Variants in AKTIP observed in about 807,000 individuals in gnomAD.
The protein encoded by AKTIP is AKT interacting protein.
AKTIP carries 16 observed loss-of-function variants against 39.1 expected under a neutral mutation model. That is an observed-to-expected ratio of 0.41 (90% CI 0.28 to 0.62). The LOEUF (loss-of-function observed/expected upper bound fraction) is 0.62, where lower values mean the gene tolerates loss of function less well. AKTIP is among the 20% of genes least tolerant of loss of function. AKTIP has a pLI of 0.32. For synonymous variants in AKTIP, 93 were observed against 124.3 expected (o/e 0.75, Z 1.67); for missense variants, 262 against 356.6 (o/e 0.73, Z 2.14).
chr16:53,504,399 T>C (rs1314306145), upstream of AKTIP: 2 of 152,232 alleles, frequency 1.3e-5, no homozygotes, highest in Non-Finnish European at 2.9e-5. Flanking sequence ...TTGGTCCATT[T>C]TTGGTTGCCT....
At chr16:53,494,957 T>G in intron 5 of AKTIP, 116 bp downstream of exon 5, 2 of 960,568 alleles carry the variant, frequency 2.1e-6, no homozygotes, top group Non-Finnish European at 3.3e-6. Context: ...CCTGGACAAC[T>G]ACTGGGTAGA....
intron 3 of AKTIP, 81 bp from the exon 4 acceptor site, chr16:53,495,407 CAATG>C: frequency 1.5e-6 from 2 of 1,351,632 alleles, no homozygotes; most frequent in Admixed American, 3.6e-5. Context: ...CACTTTGAGA[CAATG>C]AACGGCCCCT....
chr16:53,504,105 T>TTTTTTA (rs1962338044), upstream of AKTIP, among the ~76,000 whole-genome samples: 1 of 149,418 alleles, frequency 6.7e-6, no homozygotes, highest in Non-Finnish European at 1.5e-5. Context: ...TTTTTTTTTT[T>TTTTTTA]TTTTAATTCA....
At chr16:53,494,742 AC>A in intron 5 of AKTIP, 137 bp from the exon 6 acceptor site, 1 of 850,732 alleles carries the variant, frequency 1.2e-6, no homozygotes, top group Non-Finnish European at 1.9e-6. Context: ...CAAGAGGGCT[AC>A]TTAACTACTT....
chr16:53,503,979 G>C (rs958510091), upstream of AKTIP, among the ~76,000 whole-genome samples: 1 of 152,166 alleles, frequency 6.6e-6, no homozygotes, highest in Non-Finnish European at 1.5e-5. Flanking sequence ...CGGGGGCTGG[G>C]GGGAGGGGGG....
chr16:53,504,086 GTCTT>G (rs1962337124), upstream of AKTIP, among the ~76,000 whole-genome samples: 2 of 149,302 alleles, frequency 1.3e-5, no homozygotes, highest in Admixed American at 6.6e-5. Context: ...ATAGTTCCTG[GTCTT>G]TTTTTTTTTT....
At chr16:53,494,048 T>C in intron 8 of AKTIP, 90 bp downstream of exon 8, 1 of 1,022,362 alleles carries the variant, frequency 9.8e-7, no homozygotes, top group East Asian at 2.4e-5. Context: ...CATGTGCCTT[T>C]TTATATCCCT....
At chr16:53,503,656 C>T (rs1055781845), upstream of AKTIP, among the ~76,000 whole-genome samples, 18 of 152,168 alleles carry the variant, frequency 1.2e-4, no homozygotes, top group Admixed American at 6.5e-5. Context: ...CTGGGGCATA[C>T]GCTAACGTCT....
intron 2 of AKTIP, 75 bp from the exon 3 acceptor site, chr16:53,498,671 G>T: frequency 1.4e-6 from 2 of 1,425,380 alleles, no homozygotes; most frequent in Non-Finnish European, 2.0e-6. Flanking sequence ...TAGCTCCATG[G>T]CCTAAATGCT....
Position 53,491,843 on chromosome 16 carries a change from A to C in AKTIP, c.*569T>G, listed in dbSNP as rs1228671808. 1 of 152,650 alleles carries C rather than the reference A, an allele frequency of 6.6e-6. No homozygotes were observed. The highest frequency in any genetic ancestry group is 1.5e-5 in the Non-Finnish European group (1 of 68,044). 9.5% of individuals were successfully genotyped at this position (152,650 alleles called of 1,614,324 possible). On this transcript the variant is annotated 3_prime_UTR_variant, in exon 10 of 10. Transcript: ENST00000394657. Reference sequence around the variant, plus strand: ...ACAGTAAGTAATTTGCTTAAAAAAAACAACACAACACTAGGAACAAGTGTT... The same window carrying C: ...ACAGTAAGTAATTTGCTTAAAAAAACCAACACAACACTAGGAACAAGTGTT...
chr16:53,499,558 G>A (rs911034297), intron 2 of AKTIP, among the ~76,000 whole-genome samples: 14 of 150,474 alleles, frequency 9.3e-5, no homozygotes, highest in African/African-American at 3.4e-4. Flanking sequence ...CTCCTGGGTT[G>A]ACGCCATTCT....
At position 53,491,851 on chromosome 16, in the gene AKTIP, A is replaced by ACACTAGGAACAAGTGTT. The variant is rs1961494268; in HGVS notation, c.*544_*560dup. The ACACTAGGAACAAGTGTT allele has an allele frequency of 6.6e-6, 1 of 152,618 alleles. No homozygotes were observed. Among genetic ancestry groups the ACACTAGGAACAAGTGTT allele is most frequent in the Non-Finnish European group, 1.5e-5 (1 of 68,050 alleles). 9.5% of individuals were successfully genotyped at this position (152,618 alleles called of 1,614,324 possible). A position where few individuals can be genotyped will look rare whatever the true frequency, so the allele number is the denominator to read the frequency against. ...TAATTTGCTTAAAAAAAACAACACA[A>ACACTAGGAACAAGTGTT]CACTAGGAACAAGTGTTCTGGTTTC... On this transcript the variant is annotated 3_prime_UTR_variant, in exon 10 of 10. Coordinates refer to ENST00000394657, the MANE Select transcript of AKTIP (RefSeq NM_022476.4).
At chr16:53,494,827 G>A in intron 5 of AKTIP, 1 of 710,306 alleles carries the variant, frequency 1.4e-6, no homozygotes, top group Non-Finnish European at 2.5e-6. Context: ...GAGCCTGAGG[G>A]CCACCATTCA....
chr16:53,496,411 G>A (rs750040298), intron 3 of AKTIP, among the ~76,000 whole-genome samples: 3 of 149,684 alleles, frequency 2.0e-5, no homozygotes, highest in East Asian at 4.0e-4. Flanking sequence ...ATCATACCCA[G>A]CCTTTGTATA....
intron 1 of AKTIP, chr16:53,501,636 C>T (rs557249244): frequency 7.2e-4 from 110 of 152,324 alleles, no homozygotes; most frequent in African/African-American, 2.5e-3. Context: ...CATGAGCAAA[C>T]CATGTACTAA....
intron 1 of AKTIP, among the ~76,000 whole-genome samples, chr16:53,502,349 G>C (rs762668536): frequency 1.1e-4 from 16 of 152,174 alleles, no homozygotes; most frequent in Non-Finnish European, 2.4e-4. Context: ...TTGTCACTTG[G>C]AAACAATTTT....
rs1961488420 is a variant in AKTIP, at chr16:53,491,805, C to T, written c.*607G>A. 6.6e-6 allele frequency: 1 copy of T among 150,678 alleles called. No homozygotes were observed. The highest frequency in any genetic ancestry group is 1.5e-5 in the Non-Finnish European group (1 of 67,462). The allele number at this position is 150,678 out of a possible 1,614,324, so 9.3% of individuals were successfully genotyped here. On this transcript the variant is annotated 3_prime_UTR_variant, in exon 10 of 10. Transcript: ENST00000394657. ...ACCGTTGTAACACTTTTTCTCCCTC[C>T]TGCCATAAAAATACAGTAAGTAATT...
intron 1 of AKTIP, chr16:53,501,637 C>T (rs1376927918): frequency 6.6e-6 from 1 of 152,184 alleles, no homozygotes; most frequent in Non-Finnish European, 1.5e-5. Context: ...ATGAGCAAAC[C>T]ATGTACTAAA....
chr16:53,504,254 C>T (rs545752362), upstream of AKTIP: 3 of 152,524 alleles, frequency 2.0e-5, no homozygotes, highest in South Asian at 2.1e-4. Context: ...AATCTCGGCA[C>T]TCCACTTCCA....
Sources: gnomAD v4.1 joint callset for allele counts (sites outside exome capture counted in the v4.1 genomes callset) on GRCh38, gnomAD v4.1.1 for gene constraint, MANE v1.5 for transcripts, NCBI Gene and HGNC (gene_info 2026-07-23, HGNC 2026-07-21) for gene names.